CFAP276: variants seen among roughly 807,000 people sequenced by gnomAD.
CFAP276 encodes cilia and flagella associated protein 276.
the CFAP276 span, chr1:109,113,484 T>C: frequency 2.5e-6 from 1 of 403,006 alleles, no homozygotes; most frequent in African/African-American, 3.5e-5. Context: ...CGTGCGGCGC[T>C]TGGGAAATTG....
chr1:109,113,416 A>AAGAGAG, the CFAP276 span, among the ~76,000 whole-genome samples: 383 of 68,040 alleles, frequency 5.6e-3, 12 homozygotes, highest in Admixed American at 6.4e-3. Flanking sequence ...GAGAGAGAGA[A>AAGAGAG]AGAGAGAGAG....
the CFAP276 span, chr1:109,112,774 G>C: frequency 6.6e-7 from 1 of 1,503,812 alleles, no homozygotes; most frequent in East Asian, 2.5e-5. Context: ...ATTGTTTGGA[G>C]CGCTGGTTTC....
chr1:109,106,229 G>T, the CFAP276 span: 1 of 824,834 alleles, frequency 1.2e-6, no homozygotes, highest in Non-Finnish European at 1.9e-6. Context: ...ACCGGCATAT[G>T]GAGGACTGAT....
At chr1:109,112,509 G>A in the CFAP276 span, 10 of 1,498,742 alleles carry the variant, frequency 6.7e-6, no homozygotes, top group Non-Finnish European at 8.0e-6. Flanking sequence ...CTTCACCAGA[G>A]TCCTTTATGT....
At chr1:109,113,394 GAGAGAGAGAGAGAGAGAGAGAA>G in the CFAP276 span, among the ~76,000 whole-genome samples, 3 of 90,284 alleles carry the variant, frequency 3.3e-5, no homozygotes, top group Non-Finnish European at 6.0e-5. Flanking sequence ...CCCTGTCTCA[GAGAGAGAGAGAGAGAGAGAGAA>G]AGAGAGAGAG....
chr1:109,111,591 T>C, the CFAP276 span, among the ~76,000 whole-genome samples: 1 of 152,224 alleles, frequency 6.6e-6, no homozygotes, highest in Non-Finnish European at 1.5e-5. Flanking sequence ...CTCTGATTTC[T>C]GAGTGCTTCC....
the CFAP276 span, among the ~76,000 whole-genome samples, chr1:109,113,479 G>A: frequency 3.2e-5 from 4 of 125,506 alleles, no homozygotes; most frequent in Admixed American, 8.8e-5. Context: ...GCCCACGTGC[G>A]GCGCTTGGGA....
At chr1:109,109,639 C>T in the CFAP276 span, among the ~76,000 whole-genome samples, 6 of 146,304 alleles carry the variant, frequency 4.1e-5, no homozygotes, top group Non-Finnish European at 6.0e-5. Context: ...TGGGTTCAAG[C>T]GATTCTCCAG....
chr1:109,111,938 T>G, the CFAP276 span, among the ~76,000 whole-genome samples: 2 of 152,248 alleles, frequency 1.3e-5, no homozygotes, highest in Non-Finnish European at 2.9e-5. Flanking sequence ...CAGCAGAAGC[T>G]ACATCTAATT....
At chr1:109,108,577 G>A in the CFAP276 span, among the ~76,000 whole-genome samples, 2 of 152,318 alleles carry the variant, frequency 1.3e-5, no homozygotes, top group African/African-American at 4.8e-5. Flanking sequence ...AGGAGAAGGT[G>A]TGGAGTGGGA....
chr1:109,106,997 T>C, the CFAP276 span: 1 of 1,602,136 alleles, frequency 6.2e-7, no homozygotes, highest in South Asian at 1.1e-5. Context: ...GCTCTGCCTC[T>C]ACCACTTACC....
the CFAP276 span, among the ~76,000 whole-genome samples, chr1:109,108,679 G>A: frequency 6.6e-6 from 1 of 152,206 alleles, no homozygotes; most frequent in African/African-American, 2.4e-5. Flanking sequence ...ACATTCTAAT[G>A]CAAATAACAG....
chr1:109,111,418 C>T, the CFAP276 span, among the ~76,000 whole-genome samples: 7 of 150,472 alleles, frequency 4.7e-5, no homozygotes, highest in African/African-American at 1.7e-4. Context: ...TGCAGTAAGC[C>T]AAGATTGCAC....
the CFAP276 span, chr1:109,112,758 G>A: frequency 6.6e-7 from 1 of 1,525,294 alleles, no homozygotes; most frequent in Non-Finnish European, 8.8e-7. Flanking sequence ...AAGATCCCGG[G>A]TCCCAATTGT....
the CFAP276 span, among the ~76,000 whole-genome samples, chr1:109,113,416 AAGAGAGAGAGAGAGAGAGAG>A: frequency 0.044 from 2,978 of 68,160 alleles, 175 homozygotes; most frequent in South Asian, 0.19. Flanking sequence ...GAGAGAGAGA[AAGAGAGAGAGAGAGAGAGAG>A]AGAGAGAGAG....
chr1:109,106,507 T>A, the CFAP276 span: 2 of 1,609,334 alleles, frequency 1.2e-6, no homozygotes, highest in Non-Finnish European at 8.5e-7. Flanking sequence ...CACTGCCCCA[T>A]CTGCTTACCC....
the CFAP276 span, among the ~76,000 whole-genome samples, chr1:109,109,555 G>C: frequency 3.2e-5 from 1 of 31,534 alleles, no homozygotes; most frequent in Non-Finnish European, 6.2e-5. Context: ...TTTTTTTTTT[G>C]AGACAGAGTC....
the CFAP276 span, among the ~76,000 whole-genome samples, chr1:109,109,000 G>A: frequency 6.6e-6 from 1 of 152,190 alleles, no homozygotes; most frequent in African/African-American, 2.4e-5. Context: ...AGGCATGAAT[G>A]TAAAAAGCAT....
the CFAP276 span, among the ~76,000 whole-genome samples, chr1:109,110,958 T>C: frequency 0.99 from 151,171 of 152,284 alleles, 75,036 homozygotes; most frequent in East Asian, 1. Flanking sequence ...CCAGTCAGTC[T>C]CCAAGTCCTG....
Sources: allele counts gnomAD v4.1 joint callset (sites outside exome capture counted in the v4.1 genomes callset), GRCh38; gene constraint gnomAD v4.1.1; transcripts MANE v1.5; gene names NCBI Gene and HGNC (gene_info 2026-07-23, HGNC 2026-07-21).